RGS7: variants seen among roughly 807,000 people sequenced by gnomAD.
The protein encoded by RGS7 is regulator of G protein signaling 7.
In RGS7, 27 loss-of-function variants were observed where a neutral mutation model predicts 81.1. The ratio of observed to expected loss-of-function variants is 0.33; its 90% CI spans 0.25 to 0.46. The LOEUF (loss-of-function observed/expected upper bound fraction) is 0.46, where lower values mean the gene tolerates loss of function less well. RGS7 is among the 20% of genes least tolerant of loss of function. The pLI is 1.00. For synonymous variants in RGS7, 208 were observed against 207.7 expected, an observed-to-expected ratio of 1.00 and a Z score of -0.01; for missense variants, 396 against 607.4, an observed-to-expected ratio of 0.65 and a Z score of 3.66.
chr1:241,118,650 A>G (rs1384176054), intron 2 of RGS7, among the ~76,000 whole-genome samples: 3 of 152,206 alleles, frequency 2.0e-5, no homozygotes, highest in Non-Finnish European at 4.4e-5. Context: ...TTAAATGTTC[A>G]TCAACAGTTG....
At chr1:240,842,966 C>G (rs574692005) in intron 9 of RGS7, among the ~76,000 whole-genome samples, 3 of 152,036 alleles carry the variant, frequency 2.0e-5, no homozygotes, top group Non-Finnish European at 4.4e-5. Flanking sequence ...AGTTCTAGAC[C>G]AGCCTGGCCA....
At chr1:241,299,333 C>T (rs925689001) in intron 2 of RGS7, among the ~76,000 whole-genome samples, 1 of 151,856 alleles carries the variant, frequency 6.6e-6, no homozygotes, top group Admixed American at 6.6e-5. Context: ...ATCTTGTGTG[C>T]CTCCTAGATG....
At chr1:241,070,964 A>G (rs572967929) in intron 3 of RGS7, among the ~76,000 whole-genome samples, 1 of 152,354 alleles carries the variant, frequency 6.6e-6, no homozygotes, top group East Asian at 1.9e-4. Flanking sequence ...AAGAAACAGA[A>G]TAAGAAGAAC....
intron 2 of RGS7, among the ~76,000 whole-genome samples, chr1:241,327,576 C>A (rs575906460): frequency 1.3e-3 from 191 of 152,248 alleles, no homozygotes; most frequent in South Asian, 4.2e-3. Context: ...AGAACTAGAT[C>A]CCCACAATAC....
intron 3 of RGS7, among the ~76,000 whole-genome samples, chr1:241,098,286 C>G (rs533801566): frequency 6.6e-6 from 1 of 152,202 alleles, no homozygotes; most frequent in African/African-American, 2.4e-5. Context: ...AAACAGCTCA[C>G]CACTGCTCTG....
intron 2 of RGS7, among the ~76,000 whole-genome samples, chr1:241,320,340 C>T (rs1355432255): frequency 2.6e-5 from 4 of 152,152 alleles, no homozygotes; most frequent in South Asian, 2.1e-4. Flanking sequence ...GCTCATCCTT[C>T]GGAGAGATCC....
chr1:240,963,346 T>A lies in RGS7; in HGVS notation c.226+19733A>T, dbSNP rs112142573. On this transcript the variant is annotated intron_variant, in intron 4 of 18. Coordinates refer to ENST00000440928, the MANE Select transcript of RGS7 (RefSeq NM_001364886.1). ...AGAGGTATATTTGTAGTGGTTATCATACCAACAATGGGCAAAATAAGGAAG... is the reference window on the plus strand; with the variant it reads ...AGAGGTATATTTGTAGTGGTTATCAAACCAACAATGGGCAAAATAAGGAAG... Among the ~76,000 whole-genome samples the A allele has an allele frequency of 1.3e-3, 195 of 152,264 alleles. 2 individuals are homozygous for A. The highest frequency in any genetic ancestry group is 2.2e-3 in the Non-Finnish European group (153 of 68,018).
At chr1:240,986,573 T>TA (rs1480398517) in intron 3 of RGS7, among the ~76,000 whole-genome samples, 64 of 5,286 alleles carry the variant, frequency 0.012, 28 homozygotes, top group African/African-American at 0.052. Flanking sequence ...CCACTATTAT[T>TA]TTTTTTTTTT....
intron 6 of RGS7, among the ~76,000 whole-genome samples, chr1:240,898,642 G>A (rs1669480952): frequency 6.6e-6 from 1 of 152,146 alleles, no homozygotes; most frequent in African/African-American, 2.4e-5. Context: ...ACTGTGGTCT[G>A]AGAGACAGTT....
intron 9 of RGS7, among the ~76,000 whole-genome samples, chr1:240,864,767 A>G (rs1421344940): frequency 6.6e-6 from 1 of 152,214 alleles, no homozygotes; most frequent in African/African-American, 2.4e-5. Context: ...TAAATGGAAG[A>G]GTGGAATGAT....
intron 6 of RGS7, among the ~76,000 whole-genome samples, chr1:240,893,227 C>T (rs985330635): frequency 2.0e-5 from 3 of 152,104 alleles, no homozygotes; most frequent in Admixed American, 2.0e-4. Context: ...CTTAAAGGAC[C>T]TAGAGTGTTA....
rs144077058 is a variant in RGS7 at position 241,027,197 on chromosome 1, T to C, written c.176-44068A>G. ...CAGCCTGGGTGGCAGAATGAGACCC[T>C]GTCTCAAACAAATACAAAAGAAAAG... On this transcript the variant is annotated intron_variant, in intron 3 of 18. Transcript: ENST00000440928. 7.9e-3 allele frequency among the ~76,000 whole-genome samples: 1,185 copies of C among 150,806 alleles called. 17 individuals are homozygous for C. Among genetic ancestry groups the C allele is most frequent in the African/African-American group, 0.027 (1,121 of 40,862 alleles).
At chr1:241,234,068 A>G (rs186592471) in intron 2 of RGS7, among the ~76,000 whole-genome samples, 1 of 152,184 alleles carries the variant, frequency 6.6e-6, no homozygotes, top group Non-Finnish European at 1.5e-5. Flanking sequence ...CTCAAGTCTC[A>G]GTTTATGCAT....
chr1:240,818,787 G>C (rs542620959), intron 10 of RGS7, among the ~76,000 whole-genome samples: 2 of 152,226 alleles, frequency 1.3e-5, no homozygotes, highest in African/African-American at 4.8e-5. Flanking sequence ...TGGGATAGGG[G>C]GTGAGGAAAA....
intron 2 of RGS7, among the ~76,000 whole-genome samples, chr1:241,240,392 A>C (rs1386971764): frequency 6.6e-6 from 1 of 152,238 alleles, no homozygotes; most frequent in Non-Finnish European, 1.5e-5. Flanking sequence ...GGACGTCAGC[A>C]GTAGATAGGT....
chr1:241,309,404 A>AAG (rs397701695), intron 2 of RGS7, among the ~76,000 whole-genome samples: 4 of 148,208 alleles, frequency 2.7e-5, no homozygotes, highest in Admixed American at 1.3e-4. Flanking sequence ...AAAAAAAAAA[A>AAG]GGAAAAAGAA....
chr1:241,167,722 G>A (rs550544174), intron 2 of RGS7, among the ~76,000 whole-genome samples: 26 of 152,204 alleles, frequency 1.7e-4, no homozygotes, highest in African/African-American at 4.8e-4. Flanking sequence ...GTTTCATCAT[G>A]TTGGCCAGGC....
intron 2 of RGS7, among the ~76,000 whole-genome samples, chr1:241,228,035 T>C (rs1242879115): frequency 6.6e-6 from 1 of 152,146 alleles, no homozygotes; most frequent in Non-Finnish European, 1.5e-5. Context: ...AAAGTGACAC[T>C]GAGTGACTTC....
At chr1:241,082,868 T>C (rs1356335127) in intron 3 of RGS7, among the ~76,000 whole-genome samples, 1 of 152,152 alleles carries the variant, frequency 6.6e-6, no homozygotes, top group Non-Finnish European at 1.5e-5. Flanking sequence ...ATAAGATAAA[T>C]TATTTCTCTA....
Sources: allele counts gnomAD v4.1 joint callset (sites outside exome capture counted in the v4.1 genomes callset), GRCh38; gene constraint gnomAD v4.1.1; transcripts MANE v1.5; gene names NCBI Gene and HGNC (gene_info 2026-07-23, HGNC 2026-07-21).